The following LAMB3 variants were observed in gnomAD, a reference collection of about 807,000 sequenced individuals.
LAMB3 encodes the protein laminin subunit beta 3, also known as laminin subunit beta-3.
Under a neutral mutation model 140.3 loss-of-function variants are expected in LAMB3, and 104 were observed. That is an observed-to-expected ratio of 0.74 (90% CI 0.63 to 0.87). The LOEUF is 0.87. Ranked by LOEUF, LAMB3 falls within the 40% of genes least tolerant of loss-of-function variation. LAMB3 has a pLI of 0.00. For missense variants in LAMB3, 1,531 were observed against 1,575.2 expected, an observed-to-expected ratio of 0.97 and a Z score of 0.47; for synonymous variants, 592 against 602.9, an observed-to-expected ratio of 0.98 and a Z score of 0.26.
At chr1:209,615,669 C>T (rs1665932482) in intron 22 of LAMB3, among the ~76,000 whole-genome samples, 1 of 152,218 alleles carries the variant, frequency 6.6e-6, no homozygotes. Context: ...TGGGCTCTCA[C>T]AGTTGTCCAA....
At chr1:209,616,058 C>T (rs1443987604) in intron 22 of LAMB3, among the ~76,000 whole-genome samples, 2 of 152,162 alleles carry the variant, frequency 1.3e-5, no homozygotes, top group Non-Finnish European at 2.9e-5. Context: ...CTTCCAGGCC[C>T]ATCTCAAATC....
At chr1:209,616,967 C>T (rs527428296) in intron 21 of LAMB3, among the ~76,000 whole-genome samples, 1 of 152,324 alleles carries the variant, frequency 6.6e-6, no homozygotes, top group South Asian at 2.1e-4. Context: ...CTGGCCATAG[C>T]GGGAGCAGGT....
chr1:209,624,723 C>A (rs10489340), intron 14 of LAMB3, among the ~76,000 whole-genome samples: 4,893 of 152,218 alleles, frequency 0.032, 284 homozygotes, highest in East Asian at 0.27. Flanking sequence ...TTATAACATG[C>A]GTCACATTAT....
At chr1:209,631,737 G>T (rs1666698515) in intron 8 of LAMB3, among the ~76,000 whole-genome samples, 1 of 152,210 alleles carries the variant, frequency 6.6e-6, no homozygotes, top group South Asian at 2.1e-4. Context: ...GGTTCTAGGA[G>T]TATGTCTCAT....
intron 13 of LAMB3, 40 bp downstream of exon 13, chr1:209,626,826 GC>G: frequency 6.6e-7 from 1 of 1,506,122 alleles, no homozygotes; most frequent in Non-Finnish European, 9.2e-7. Flanking sequence ...CGCGTGCTCG[GC>G]CCCCAGAGCC....
chr1:209,642,600 T>C (rs1431918164), intron 3 of LAMB3, among the ~76,000 whole-genome samples: 1 of 152,148 alleles, frequency 6.6e-6, no homozygotes, highest in Admixed American at 6.5e-5. Flanking sequence ...CGCCTCGGCC[T>C]CCCGAGTAGC....
In LAMB3 at chr1:209,629,787, T is replaced by C. The variant is rs1463595249; in HGVS notation, c.1082A>G (p.His361Arg). 12 of 1,613,942 alleles carry C rather than the reference T, an allele frequency of 7.4e-6. No homozygotes were observed. The highest frequency in any genetic ancestry group is 1.7e-5 in the Admixed American group (1 of 60,000). Residue 361 changes from histidine (H) to arginine (R), a missense_variant, in exon 10 of 23, where the codon CAC becomes CGC. Coordinates refer to ENST00000356082, the MANE Select transcript of LAMB3 (RefSeq NM_000228.3). The stretch of plus-strand genomic sequence containing the variant: ...TCCCGGGCGCCGGTTCCGGAAATAG[T>C]GCAGCTGACACCGCTCACAGTTCTT... ...EGKNCERCQL[H>R]YFRNRRPGAS...
intron 12 of LAMB3, 37 bp downstream of exon 12, chr1:209,627,346 C>T (rs1353990763): frequency 6.4e-7 from 1 of 1,568,462 alleles, no homozygotes. Context: ...GACCCCCCTC[C>T]CACTGAGGGG....
chr1:209,650,162 G>C, intron 2 of LAMB3, 44 bp from the exon 3 acceptor site: 3 of 1,574,592 alleles, frequency 1.9e-6, no homozygotes, highest in Admixed American at 1.8e-5. Flanking sequence ...AGAAAAAAAG[G>C]GACCTCACTG....
chr1:209,651,573 C>T lies in LAMB3; in HGVS notation c.-37-592G>A, dbSNP rs192712352. Among the ~76,000 whole-genome samples the T allele has an allele frequency of 8.3e-4, 126 of 152,294 alleles. 1 individual carries two copies. Among genetic ancestry groups the T allele is most frequent in the South Asian group, 1.7e-3 (8 of 4,826 alleles). ...GCAACAGGGAGAGATGTATGGCTGT[C>T]TTTAACAAGTGAGTGAGGGTTTCTT... is the stretch of plus-strand genomic sequence containing the variant. On this transcript the variant is annotated intron_variant, in intron 1 of 22. Transcript: ENST00000356082.
At position 209,623,206 on chromosome 1, in the gene LAMB3, G is replaced by A; in HGVS notation, c.2359-27C>T. The A allele has an allele frequency of 6.2e-7, 1 of 1,612,758 alleles. No homozygotes were observed. The highest frequency in any genetic ancestry group is 2.2e-5 in the East Asian group (1 of 44,852). On this transcript the variant is annotated intron_variant, in intron 16 of 22. Transcript: ENST00000356082. The surrounding 1 kb of genome is among the most constrained non-coding windows in gnomAD (Gnocchi z 4.2). ...TGTGGACAGATGGCGGTGTTAAAGA[G>A]GCTACCCAAAGCCCCTCAATAACCA...
intron 1 of LAMB3, among the ~76,000 whole-genome samples, chr1:209,651,819 A>G (rs2076568466): frequency 7.4e-6 from 1 of 134,898 alleles, no homozygotes; most frequent in South Asian, 2.7e-4. Flanking sequence ...CTCTGTTCCA[A>G]TGACAGCCAC....
intron 13 of LAMB3, among the ~76,000 whole-genome samples, chr1:209,626,553 A>G (rs1169840462): frequency 6.6e-6 from 1 of 152,230 alleles, no homozygotes; most frequent in Non-Finnish European, 1.5e-5. Flanking sequence ...TGAAGAGGGA[A>G]GAAACAGCCT....
At chr1:209,622,818 T>C in intron 17 of LAMB3, 138 bp from the exon 18 acceptor site, 5 of 1,365,418 alleles carry the variant, frequency 3.7e-6, no homozygotes, top group Non-Finnish European at 4.2e-6. Context: ...CATGTGGATG[T>C]TCAGTAAAAG....
Position 209,616,534 on chromosome 1 carries a change from T to C in LAMB3, c.3319A>G (p.Ser1107Gly). The change falls in exon 22 of 23, where the codon AGT (serine) becomes GGT (glycine). Residue 1107 changes from serine (S) to glycine (G), a missense_variant. Transcript: ENST00000356082. ...AGCTCCTCTGCCTCTGTCTTCACAC[T>C]CTGGATCCGGGCACCCTGCTCACCC... ...MLGEQGARIQ[S>G]VKTEAEELFG... The C allele has an allele frequency of 6.2e-7, 1 of 1,614,182 alleles. No individual in the cohort carries two copies. The highest frequency in any genetic ancestry group is 2.2e-5 in the East Asian group (1 of 44,884).
chr1:209,643,059 G>A (rs2076485029), intron 3 of LAMB3, among the ~76,000 whole-genome samples: 1 of 152,204 alleles, frequency 6.6e-6, no homozygotes, highest in South Asian at 2.1e-4. Flanking sequence ...TCAGAGACAG[G>A]CTAAGCCAAC....
chr1:209,647,791 C>A (rs1375238017), intron 3 of LAMB3, among the ~76,000 whole-genome samples: 5 of 152,144 alleles, frequency 3.3e-5, no homozygotes, highest in Admixed American at 6.5e-5. Context: ...AGCACACAAC[C>A]AAACCCTCCC....
chr1:209,621,093 CT>C (rs1297090368), intron 18 of LAMB3, among the ~76,000 whole-genome samples: 1 of 152,210 alleles, frequency 6.6e-6, no homozygotes, highest in African/African-American at 2.4e-5. Context: ...CAAAAGGGGC[CT>C]GGCAGCTCCC....
At chr1:209,646,359 G>A (rs73081693) in intron 3 of LAMB3, among the ~76,000 whole-genome samples, 4,090 of 152,250 alleles carry the variant, frequency 0.027, 166 homozygotes, top group African/African-American at 0.094. Context: ...AGTGGCCAGC[G>A]CTGAATAAAC....
Sources: gnomAD v4.1 joint callset for allele counts (sites outside exome capture counted in the v4.1 genomes callset) on GRCh38, gnomAD v4.1.1 for gene constraint, Gnocchi (gnomAD v3.1) non-coding constraint, MANE v1.5 for transcripts, NCBI Gene and HGNC (gene_info 2026-07-23, HGNC 2026-07-21) for gene names.